KIF26B: variants seen among roughly 807,000 people sequenced by gnomAD.
KIF26B encodes the protein kinesin family member 26B.
In KIF26B, 63 loss-of-function variants were observed where a neutral mutation model predicts 151.2. The observed-to-expected ratio is 0.42, with a 90% CI of 0.34 to 0.51. KIF26B has a LOEUF of 0.51. KIF26B is among the 20% of genes least tolerant of loss of function. KIF26B has a pLI of 0.07. For synonymous variants in KIF26B, 1,357 were observed against 1,262.1 expected (o/e 1.08, Z -1.59); for missense variants, 2,813 against 2,913.6 (o/e 0.97, Z 0.79).
rs1661580821 is a variant in KIF26B at position 245,540,172 on chromosome 1, A to G, written c.1167-595A>G. On this transcript the variant is annotated intron_variant, in intron 4 of 14. Coordinates refer to ENST00000407071, the MANE Select transcript of KIF26B (RefSeq NM_018012.4). The surrounding 1 kb of genome is among the most constrained non-coding windows in gnomAD (Gnocchi z 4.6). ...CTGCACAATATCCTCTTATCTACGT[A>G]AGCAGCCCATAGCCTCAGCGCCCTG... Among the ~76,000 whole-genome samples the G allele has an allele frequency of 6.6e-6, 1 of 152,216 alleles. No homozygotes were observed. Among genetic ancestry groups the G allele is most frequent in the South Asian group, 2.1e-4 (1 of 4,822 alleles).
At position 245,318,259 on chromosome 1, in the gene KIF26B, G is replaced by A. The variant is rs969012216; in HGVS notation, c.466-48575G>A. On this transcript the variant is annotated intron_variant, in intron 2 of 14. Transcript: ENST00000407071. The surrounding 1 kb of genome is among the most constrained non-coding windows in gnomAD (Gnocchi z 4.0). The stretch of plus-strand genomic sequence containing the variant: ...AGACAAAACAAATCAATCAGTCAAC[G>A]TCAACTCTTGTCATTGCTTGGGGGG... Among the ~76,000 whole-genome samples, 7 of 152,108 alleles carry A rather than the reference G, an allele frequency of 4.6e-5. No individual in the cohort carries two copies. The highest frequency in any genetic ancestry group is 2.0e-4 in the Admixed American group (3 of 15,278).
Position 245,331,185 on chromosome 1 carries a change from C to T in KIF26B, c.466-35649C>T, listed in dbSNP as rs552053477. Among the ~76,000 whole-genome samples the T allele has an allele frequency of 2.4e-4, 37 of 152,122 alleles. No homozygotes were observed. The South Asian group carries it at 2.5e-3, about 10-fold the overall frequency. The stretch of plus-strand genomic sequence containing the variant: ...CTGCGGAGGCACAGGCTTCTCATTC[C>T]GCGCGAGTGACCGAGACATGGATCG... On this transcript the variant is annotated intron_variant, in intron 2 of 14. Coordinates refer to ENST00000407071, the MANE Select transcript of KIF26B (RefSeq NM_018012.4).
intron 5 of KIF26B, among the ~76,000 whole-genome samples, chr1:245,551,925 T>G (rs1661889456): frequency 6.6e-6 from 1 of 152,184 alleles, no homozygotes; most frequent in African/African-American, 2.4e-5. Context: ...CATCACTCTT[T>G]AGATGACTGA....
At chr1:245,191,594 G>A (rs141248962) in intron 2 of KIF26B, among the ~76,000 whole-genome samples, 2 of 152,230 alleles carry the variant, frequency 1.3e-5, no homozygotes, top group African/African-American at 4.8e-5. Flanking sequence ...ATATAGACAG[G>A]TTTGACTACA....
At chr1:245,164,846 G>A (rs1010722799) in intron 2 of KIF26B, among the ~76,000 whole-genome samples, 14 of 152,200 alleles carry the variant, frequency 9.2e-5, no homozygotes, top group African/African-American at 3.4e-4. Flanking sequence ...GCCAAGACGG[G>A]TGGATCACCT....
chr1:245,457,091 C>T (rs1049987247), intron 4 of KIF26B, among the ~76,000 whole-genome samples: 1 of 152,244 alleles, frequency 6.6e-6, no homozygotes, highest in Non-Finnish European at 1.5e-5. Flanking sequence ...GGCTCGAACT[C>T]CTGACGTCAG....
At chr1:245,574,744 C>T (rs2043100524) in intron 5 of KIF26B, among the ~76,000 whole-genome samples, 1 of 152,116 alleles carries the variant, frequency 6.6e-6, no homozygotes, top group African/African-American at 2.4e-5. Context: ...GTCAGGGTGG[C>T]TTCTCTGTTG....
rs1338827772 is a variant in KIF26B at position 245,572,449 on chromosome 1, T to C, written c.1351-30128T>C. Among the ~76,000 whole-genome samples the C allele has an allele frequency of 6.6e-6, 1 of 152,036 alleles. No individual in the cohort carries two copies. Among genetic ancestry groups the C allele is most frequent in the Non-Finnish European group, 1.5e-5 (1 of 68,000 alleles). On this transcript the variant is annotated intron_variant, in intron 5 of 14. Transcript: ENST00000407071. This position sits in a 1 kb window ranked among gnomAD's most constrained non-coding sequence, Gnocchi z 4.2. Reference sequence around the variant, plus strand: ...CCCGGGAAAGGTGGCAGGACACACTTCTCTTGTTCTCCAGCCCATTTTCAG... The same window carrying C: ...CCCGGGAAAGGTGGCAGGACACACTCCTCTTGTTCTCCAGCCCATTTTCAG...
intron 5 of KIF26B, among the ~76,000 whole-genome samples, chr1:245,543,506 C>G (rs1661670227): frequency 6.6e-6 from 1 of 151,620 alleles, no homozygotes; most frequent in African/African-American, 2.4e-5. Context: ...GGTCTGGGGT[C>G]ACAGAACATC....
intron 4 of KIF26B, among the ~76,000 whole-genome samples, chr1:245,456,143 A>G (rs1659512542): frequency 6.6e-6 from 1 of 152,120 alleles, no homozygotes; most frequent in South Asian, 2.1e-4. Flanking sequence ...TGTATGCAAC[A>G]TTTTCTTCAC....
intron 9 of KIF26B, among the ~76,000 whole-genome samples, chr1:245,639,434 G>GT (rs757179974): frequency 6.6e-6 from 1 of 151,340 alleles, no homozygotes; most frequent in African/African-American, 2.4e-5. Flanking sequence ...TTTTGTTGGG[G>GT]TTTTTTGTAT....
intron 2 of KIF26B, among the ~76,000 whole-genome samples, chr1:245,215,519 A>G (rs1669626846): frequency 6.6e-6 from 1 of 152,132 alleles, no homozygotes; most frequent in South Asian, 2.1e-4. Context: ...TCTGAAAGCC[A>G]GTGGAGGCTT....
At chr1:245,298,141 C>T (rs1320046857) in intron 2 of KIF26B, among the ~76,000 whole-genome samples, 1 of 152,186 alleles carries the variant, frequency 6.6e-6, no homozygotes, top group African/African-American at 2.4e-5. Flanking sequence ...CCTGCCTCAG[C>T]CTCCCAAAGT....
intron 4 of KIF26B, among the ~76,000 whole-genome samples, chr1:245,471,649 C>G (rs1025206051): frequency 6.6e-6 from 1 of 152,090 alleles, no homozygotes; most frequent in Non-Finnish European, 1.5e-5. Context: ...CTCTATATCT[C>G]TTAGAGCTGT....
At chr1:245,490,266 C>T (rs1274938962) in intron 4 of KIF26B, among the ~76,000 whole-genome samples, 1 of 150,936 alleles carries the variant, frequency 6.6e-6, no homozygotes, top group Non-Finnish European at 1.5e-5. Context: ...CCACGAGAGA[C>T]TTCTCCATGG....
At chr1:245,444,198 CACCTAGAGGAGA>C (rs1659195042) in intron 4 of KIF26B, among the ~76,000 whole-genome samples, 7 of 151,324 alleles carry the variant, frequency 4.6e-5, no homozygotes, top group African/African-American at 1.7e-4. Flanking sequence ...CCTCACTGTT[CACCTAGAGGAGA>C]GGTCATCTCC....
chr1:245,549,970 G>T (rs1015421647), intron 5 of KIF26B, among the ~76,000 whole-genome samples: 11 of 152,078 alleles, frequency 7.2e-5, no homozygotes, highest in Non-Finnish European at 1.2e-4. Context: ...GTAGAGAGGG[G>T]GTTTCACCAT....
chr1:245,274,023 G>A lies in KIF26B; in HGVS notation c.466-92811G>A, dbSNP rs189194605. 2.2e-3 allele frequency among the ~76,000 whole-genome samples: 339 copies of A among 151,254 alleles called. 1 individual carries two copies. The highest frequency in any genetic ancestry group is 7.5e-4 in the Non-Finnish European group (51 of 67,878). On this transcript the variant is annotated intron_variant, in intron 2 of 14. Transcript: ENST00000407071. ...ACTTTTTCATTTTCTGTTGTGTATC[G>A]CCTATAGATATTTTCTTTGTGGTTA...
chr1:245,163,842 A>G (rs1253336315), intron 2 of KIF26B, among the ~76,000 whole-genome samples: 1 of 152,186 alleles, frequency 6.6e-6, no homozygotes, highest in East Asian at 1.9e-4. Flanking sequence ...CATGTTTTAT[A>G]TCCCGTCGCC....
Sources: gnomAD v4.1 joint callset for allele counts (sites outside exome capture counted in the v4.1 genomes callset) on GRCh38, gnomAD v4.1.1 for gene constraint, Gnocchi (gnomAD v3.1) non-coding constraint, MANE v1.5 for transcripts, NCBI Gene and HGNC (gene_info 2026-07-23, HGNC 2026-07-21) for gene names.